CCDC83: variants seen among roughly 807,000 people sequenced by gnomAD.
CCDC83 encodes the protein coiled-coil domain-containing protein 83.
A neutral mutation model predicts 50.1 loss-of-function variants in CCDC83; 54 were observed. The observed-to-expected ratio is 1.08, with a 90% confidence interval of 0.87 to 1.35. The LOEUF (loss-of-function observed/expected upper bound fraction) is 1.35. Among genes scored for constraint, CCDC83 ranks in the 40% most tolerant of loss-of-function variants. The pLI is 0.00. For synonymous variants in CCDC83, 161 were observed against 153.3 expected (o/e 1.05, Z -0.37); for missense variants, 518 against 473.9 (o/e 1.09, Z -0.86).
chr11:85,906,893 AAATT>A (rs1202475417), intron 7 of CCDC83, among the ~76,000 whole-genome samples: 7 of 148,084 alleles, frequency 4.7e-5, no homozygotes, highest in South Asian at 4.2e-4. Flanking sequence ...TCAAAAAATT[AAATT>A]AAATTAAATT....
In CCDC83 at chr11:85,884,730, C is replaced by T. The variant is rs546710510; in HGVS notation, c.344-1470C>T. On this transcript the variant is annotated intron_variant, in intron 4 of 10. Transcript: ENST00000342404. ...AGTTCTAAGAAAGTAGAAAAACAGC[C>T]ACTACATCCATCTCCCTTTTACAAT... is the stretch of plus-strand genomic sequence containing the variant. Among the ~76,000 whole-genome samples, 12 of 152,242 alleles carry T rather than the reference C, an allele frequency of 7.9e-5. No homozygotes were observed. In the South Asian group the frequency reaches 2.5e-3, roughly 32 times the overall value.
At chr11:85,898,034 T>C (rs1278835807) in intron 6 of CCDC83, among the ~76,000 whole-genome samples, 1 of 151,800 alleles carries the variant, frequency 6.6e-6, no homozygotes, top group African/African-American at 2.4e-5. Flanking sequence ...GGTGGGCGCC[T>C]GTAATCCCAG....
At chr11:85,871,450 T>A (rs2093236883) in intron 2 of CCDC83, among the ~76,000 whole-genome samples, 1 of 152,172 alleles carries the variant, frequency 6.6e-6, no homozygotes, top group Non-Finnish European at 1.5e-5. Context: ...GATTTTTTTT[T>A]AATGTTGCAT....
At chr11:85,886,059 A>T in intron 4 of CCDC83, 141 bp from the exon 5 acceptor site, 3 of 584,560 alleles carry the variant, frequency 5.1e-6, no homozygotes. Context: ...AATAGTTTAG[A>T]ATTTCCTAAA....
At chr11:85,906,887 A>AAAATTAAATT (rs559473279) in intron 7 of CCDC83, among the ~76,000 whole-genome samples, 50 of 147,708 alleles carry the variant, frequency 3.4e-4, no homozygotes, top group African/African-American at 1.3e-3. Context: ...CCTGTCTCAA[A>AAAATTAAATT]AAATTAAATT....
intron 3 of CCDC83, among the ~76,000 whole-genome samples, chr11:85,874,818 T>C (rs936237763): frequency 6.6e-6 from 1 of 152,234 alleles, no homozygotes; most frequent in Non-Finnish European, 1.5e-5. Context: ...CATCCTTCAG[T>C]GGCTTCCTAT....
intron 2 of CCDC83, among the ~76,000 whole-genome samples, chr11:85,866,104 TA>T (rs912613682): frequency 2.0e-5 from 3 of 152,232 alleles, no homozygotes; most frequent in Non-Finnish European, 4.4e-5. Flanking sequence ...ATTTATTCCA[TA>T]TTTATGTTTT....
chr11:85,895,449 A>G (rs1444566210), intron 6 of CCDC83, 65 bp downstream of exon 6: 12 of 1,001,706 alleles, frequency 1.2e-5, no homozygotes, highest in South Asian at 1.2e-4. Flanking sequence ...TTCTTTGGGT[A>G]TATTATAGTG....
At position 85,898,973 on chromosome 11, in the gene CCDC83, C is replaced by A. The variant is rs374120198; in HGVS notation, c.630C>A (p.Gly210=). Residue 210 remains glycine, a synonymous_variant, in exon 7 of 11, where the codon GGC becomes GGA. Coordinates refer to ENST00000342404, the MANE Select transcript of CCDC83 (RefSeq NM_001286159.2). Reference sequence around the variant, plus strand: ...ATGCTGTAAAGCTCATTGACAAGGGCAGTTATCTAGAGATCTGGGAGAATG... The same window carrying A: ...ATGCTGTAAAGCTCATTGACAAGGGAAGTTATCTAGAGATCTGGGAGAATG... ...TQNAVKLIDK[G]SYLEIWENDW... is the part of the protein sequence containing the mutation. 3.9e-5 allele frequency: 63 copies of A among 1,612,294 alleles called. No individual in the cohort carries two copies. The African/African-American group carries it at 8.0e-4, about 20-fold the overall frequency.
intron 7 of CCDC83, among the ~76,000 whole-genome samples, chr11:85,905,814 A>T (rs1420077955): frequency 6.6e-6 from 1 of 150,396 alleles, no homozygotes; most frequent in Non-Finnish European, 1.5e-5. Flanking sequence ...TTAAAAACAC[A>T]AAAAATTAGC....
intron 8 of CCDC83, chr11:85,912,512 G>A: frequency 3.0e-6 from 2 of 676,296 alleles, no homozygotes; most frequent in Non-Finnish European, 5.4e-6. Flanking sequence ...ATGAGGTGAG[G>A]CTGAATGAGG....
At chr11:85,886,056 T>C (rs2093325241) in intron 4 of CCDC83, 144 bp from the exon 5 acceptor site, 1 of 572,136 alleles carries the variant, frequency 1.7e-6, no homozygotes, top group African/African-American at 1.9e-5. Context: ...TTGAATAGTT[T>C]AGAATTTCCT....
At chr11:85,872,476 T>C (rs1477751886) in intron 2 of CCDC83, among the ~76,000 whole-genome samples, 1 of 151,584 alleles carries the variant, frequency 6.6e-6, no homozygotes, top group African/African-American at 2.4e-5. Flanking sequence ...CAGAGCGAGA[T>C]TCCATCTCAA....
At chr11:85,902,654 A>G (rs953713406) in intron 7 of CCDC83, among the ~76,000 whole-genome samples, 13 of 152,098 alleles carry the variant, frequency 8.5e-5, no homozygotes, top group African/African-American at 2.9e-4. Flanking sequence ...GTCCCACTTA[A>G]GGATCCCACC....
At chr11:85,855,936 C>G (rs903652701) in intron 1 of CCDC83, among the ~76,000 whole-genome samples, 1 of 152,196 alleles carries the variant, frequency 6.6e-6, no homozygotes, top group Admixed American at 6.5e-5. Context: ...GTAGGTACTT[C>G]ATATGTGCTA....
intron 2 of CCDC83, among the ~76,000 whole-genome samples, chr11:85,865,995 A>C (rs1306214198): frequency 1.3e-5 from 2 of 152,118 alleles, no homozygotes; most frequent in Non-Finnish European, 2.9e-5. Context: ...CTAAATGGCT[A>C]CATATCAAAT....
At chr11:85,862,481 G>C in intron 1 of CCDC83, among the ~76,000 whole-genome samples, 1 of 152,190 alleles carries the variant, frequency 6.6e-6, no homozygotes, top group East Asian at 1.9e-4. Flanking sequence ...TTCTGCTGCA[G>C]TGTGCTTCTG....
rs533888283 is a variant in CCDC83 at position 85,864,678 on chromosome 11, G to A, written c.-28-418G>A. Reference sequence around the variant, plus strand: ...AAGTCTTTTGGATCCTAGCTTCTTCGTGCTCATAGAAAATTGTAGTTTTGT... The same window carrying A: ...AAGTCTTTTGGATCCTAGCTTCTTCATGCTCATAGAAAATTGTAGTTTTGT... On this transcript the variant is annotated intron_variant, in intron 1 of 10. Coordinates refer to ENST00000342404, the MANE Select transcript of CCDC83 (RefSeq NM_001286159.2). Among the ~76,000 whole-genome samples, 9 of 152,082 alleles carry A rather than the reference G, an allele frequency of 5.9e-5. No homozygotes were observed. The East Asian group carries it at 7.7e-4, about 13-fold the overall frequency.
intron 6 of CCDC83, 143 bp downstream of exon 6, chr11:85,895,527 T>C (rs1277031650): frequency 1.8e-6 from 1 of 550,184 alleles, no homozygotes; most frequent in Non-Finnish European, 3.2e-6. Context: ...TAACATAATA[T>C]TAAAAGTTTT....
Sources: allele counts gnomAD v4.1 joint callset (sites outside exome capture counted in the v4.1 genomes callset), GRCh38; gene constraint gnomAD v4.1.1; transcripts MANE v1.5; gene names NCBI Gene and HGNC (gene_info 2026-07-23, HGNC 2026-07-21).